RAPGEF3: variants seen among roughly 807,000 people sequenced by gnomAD.
RAPGEF3 encodes Rap guanine nucleotide exchange factor 3.
A neutral mutation model predicts 129.8 loss-of-function variants in RAPGEF3; 103 were observed. The observed-to-expected ratio is 0.79, with a 90% CI of 0.68 to 0.93. RAPGEF3 has a LOEUF of 0.93. Ranked by LOEUF, RAPGEF3 falls within the 40% of genes least tolerant of loss-of-function variation. The probability of loss-of-function intolerance (pLI) is 0.00; values close to 1 mark genes in which losing one functional copy is unlikely to be tolerated. For synonymous variants in RAPGEF3, 436 were observed against 482.6 expected (o/e 0.90, Z 1.26); for missense variants, 1,117 against 1,207.4 (o/e 0.93, Z 1.11).
chr12:47,739,129 G>T lies in RAPGEF3; in HGVS notation c.2461+14C>A. The T allele has an allele frequency of 6.4e-7, 1 of 1,569,372 alleles. No individual in the cohort carries two copies. The highest frequency in any genetic ancestry group is 8.7e-7 in the Non-Finnish European group (1 of 1,147,054). The stretch of plus-strand genomic sequence containing the variant: ...AGGGGGGAATGGAGGGATGGAGGCA[G>T]GAAGCCCTGTTACCTTTGAGAAGAA... On this transcript the variant is annotated intron_variant, in intron 24 of 27. Transcript: ENST00000449771.
rs538753670 is a variant in RAPGEF3, at chr12:47,750,410, C to T, written c.687G>A (p.Thr229=). The change falls in exon 7 of 28, where the codon ACG becomes ACA. Residue 229 remains threonine, a synonymous_variant. Coordinates refer to ENST00000449771, the MANE Select transcript of RAPGEF3 (RefSeq NM_001098531.4). ...CAAAGATGAGGTCCAGCTCTTCATC[C>T]GTGCGCTGACCTGGGCTGCAGGGAC... is the stretch of plus-strand genomic sequence containing the variant. ...VALRKPPGQR[T]DEELDLIFEE... is the part of the protein sequence containing the mutation. The T allele has an allele frequency of 1.2e-5, 20 of 1,613,750 alleles. No individual in the cohort carries two copies. The African/African-American group carries it at 1.6e-4, about 13-fold the overall frequency.
chr12:47,753,686 C>T (rs1941888528), intron 2 of RAPGEF3, among the ~76,000 whole-genome samples: 1 of 152,254 alleles, frequency 6.6e-6, no homozygotes, highest in South Asian at 2.1e-4. Flanking sequence ...AGCCAGCCCC[C>T]TGTGTCGGAA....
intron 23 of RAPGEF3, 30 bp downstream of exon 23, chr12:47,740,111 G>T: frequency 1.2e-6 from 2 of 1,606,778 alleles, no homozygotes; most frequent in Non-Finnish European, 8.5e-7. Flanking sequence ...GATCCTAGCA[G>T]AGCCAGGCCG....
Position 47,751,102 on chromosome 12 carries a change from G to C in RAPGEF3, c.617C>G (p.Ala206Gly), listed in dbSNP as rs772956322. ...GTCAGGCCCCCGCTGGGAGAGCAGG[G>C]CCACAGCTTCGGCCAACTCCTCCTC... ...EMEEELAEAV[A>G]LLSQRGPDAL... The change falls in exon 6 of 28, where the codon GCC (alanine) becomes GGC (glycine). Residue 206 changes from alanine to glycine, a missense_variant. By Grantham distance (60) the Ala-to-Gly change is moderately conservative (BLOSUM62 0). This residue lies in a region of RAPGEF3 where 367 missense variants were observed against 373.4 expected (regional missense o/e 0.98). Transcript: ENST00000449771. 6.3e-7 allele frequency: 1 copy of C among 1,587,916 alleles called. No homozygotes were observed. The highest frequency in any genetic ancestry group is 1.2e-5 in the South Asian group (1 of 86,696).
chr12:47,740,565 C>T (rs779501162), intron 21 of RAPGEF3, 77 bp downstream of exon 21: 7 of 1,561,734 alleles, frequency 4.5e-6, no homozygotes, highest in Non-Finnish European at 6.1e-6. Context: ...TGGCAACATA[C>T]TAAGCAAAGA....
At chr12:47,753,264 A>G (rs572370170) in intron 2 of RAPGEF3, among the ~76,000 whole-genome samples, 1 of 152,308 alleles carries the variant, frequency 6.6e-6, no homozygotes, top group East Asian at 1.9e-4. Flanking sequence ...ACAGCCAGAC[A>G]GCTGTGGAGA....
At chr12:47,739,784 G>A (rs1043911807) in intron 23 of RAPGEF3, 9 of 412,412 alleles carry the variant, frequency 2.2e-5, no homozygotes, top group Admixed American at 3.7e-5. Context: ...GCACACAGGC[G>A]CTCCATGCCA....
At position 47,749,573 on chromosome 12, in the gene RAPGEF3, C is replaced by G; in HGVS notation, c.895-37G>C. ...CCTCAGTCTCAGCCCGCCCCTGCCG[C>G]CCCTGCCGCCCCCAGCTCTTGCCAG... On this transcript the variant is annotated intron_variant, in intron 9 of 27. Coordinates refer to ENST00000449771, the MANE Select transcript of RAPGEF3 (RefSeq NM_001098531.4). This position sits in a 1 kb window ranked among gnomAD's most constrained non-coding sequence, Gnocchi z 4.5. 1 of 1,557,736 alleles carries G rather than the reference C, an allele frequency of 6.4e-7. No individual in the cohort carries two copies.
chr12:47,740,897 C>G lies in RAPGEF3; in HGVS notation c.2049+18G>C, dbSNP rs1369622269. 1 of 1,613,950 alleles carries G rather than the reference C, an allele frequency of 6.2e-7. No individual in the cohort carries two copies. Among genetic ancestry groups the G allele is most frequent in the African/African-American group, 1.3e-5 (1 of 75,074 alleles). ...CGCCCCGCCGCCTGCTCTCCTCCCC[C>G]AGCTCTGCCTCCCATACCTGGTGGA... On this transcript the variant is annotated intron_variant, in intron 20 of 27. Coordinates refer to ENST00000449771, the MANE Select transcript of RAPGEF3 (RefSeq NM_001098531.4).
intron 12 of RAPGEF3, 137 bp from the exon 13 acceptor site, chr12:47,748,289 GTGCTCCC>G: frequency 1.0e-6 from 1 of 964,242 alleles, no homozygotes; most frequent in Non-Finnish European, 1.6e-6. Context: ...CCCTGTGATA[GTGCTCCC>G]CACTAAGCCA....
At chr12:47,748,663 C>A in intron 11 of RAPGEF3, 121 bp from the exon 12 acceptor site, 1 of 1,065,770 alleles carries the variant, frequency 9.4e-7, no homozygotes, top group Non-Finnish European at 1.4e-6. Context: ...CACCTTAGGG[C>A]AGGGAGGAGA....
At chr12:47,753,695 A>G (rs1163594798) in intron 2 of RAPGEF3, among the ~76,000 whole-genome samples, 2 of 152,260 alleles carry the variant, frequency 1.3e-5, no homozygotes, top group African/African-American at 4.8e-5. Flanking sequence ...CCTGTGTCGG[A>G]ACAAACAGTG....
chr12:47,758,684 G>A lies in RAPGEF3; in HGVS notation c.-128C>T, dbSNP rs1942253647. ...GGGTAAGTCCAGGTACAGTGAACTG[G>A]GCCAGTGCCTAGCTGGACTGGCTGC... On this transcript the variant is annotated 5_prime_UTR_variant, in exon 1 of 28. Coordinates refer to ENST00000449771, the MANE Select transcript of RAPGEF3 (RefSeq NM_001098531.4). The A allele has an allele frequency of 1.3e-6, 2 of 1,497,962 alleles. No individual in the cohort carries two copies. Among genetic ancestry groups the A allele is most frequent in the Non-Finnish European group, 1.8e-6 (2 of 1,120,160 alleles). The allele number at this position is 1,497,962 out of a possible 1,614,324, so 92.8% of individuals were successfully genotyped here. A position where few individuals can be genotyped will look rare whatever the true frequency, so the allele number is the denominator to read the frequency against.
At position 47,737,653 on chromosome 12, in the gene RAPGEF3, C is replaced by T. The variant is rs941901994; in HGVS notation, c.2686G>A (p.Ala896Thr). Residue 896 changes from alanine (A) to threonine (T), a missense_variant, in exon 28 of 28, where the codon GCC (alanine) becomes ACC (threonine). Around this residue, in one of 3 missense-constraint regions of RAPGEF3, gnomAD observed 643 missense variants for 673.4 expected, o/e 0.95. Transcript: ENST00000449771. ...TGCTGGACATAAGCCCAGGTGCTGGCTGGACTCCGGGTGCTCAGGGACTGC... is the reference window on the plus strand; with the variant it reads ...TGCTGGACATAAGCCCAGGTGCTGGTTGGACTCCGGGTGCTCAGGGACTGC... Reference protein sequence around the residue: ...SEQSLSTRSPASTWAYVQQLK... With the variant: ...SEQSLSTRSPTSTWAYVQQLK... The T allele has an allele frequency of 1.2e-6, 2 of 1,613,020 alleles. No homozygotes were observed. Among genetic ancestry groups the T allele is most frequent in the Admixed American group, 1.7e-5 (1 of 59,930 alleles).
At position 47,758,070 on chromosome 12, in the gene RAPGEF3, C is replaced by T. The variant is rs546437260; in HGVS notation, c.15G>A (p.Trp5Ter). MKVG[W>*]PGESCWQVGL... ...CCACCTGCCAGCAGCTCTCACCTGG[C>T]CAGCCCACCTGTGACACGGGGAGGA... Residue 5 changes from tryptophan (W) to a stop codon, truncating the protein, a stop_gained, in exon 2 of 28, where the codon TGG becomes TGA. Coordinates refer to ENST00000449771, the MANE Select transcript of RAPGEF3 (RefSeq NM_001098531.4). LOFTEE classifies it high-confidence loss of function. 6.4e-7 allele frequency: 1 copy of T among 1,564,772 alleles called. No individual in the cohort carries two copies. Among genetic ancestry groups the T allele is most frequent in the Non-Finnish European group, 8.7e-7 (1 of 1,154,458 alleles).
chr12:47,754,077 G>A (rs1592574733), intron 2 of RAPGEF3: 1 of 152,234 alleles, frequency 6.6e-6, no homozygotes, highest in East Asian at 1.9e-4. Flanking sequence ...CCAGAGGTAG[G>A]TATTTGTTTC....
At chr12:47,748,234 C>G (rs1307246012) in intron 12 of RAPGEF3, 82 bp from the exon 13 acceptor site, 13 of 1,228,114 alleles carry the variant, frequency 1.1e-5, no homozygotes, top group Non-Finnish European at 1.4e-5. Context: ...CTGGAAGGAC[C>G]CTTCCCCACA....
intron 6 of RAPGEF3, among the ~76,000 whole-genome samples, 160 bp downstream of exon 6, chr12:47,750,888 C>T (rs542907237): frequency 3.0e-4 from 45 of 152,322 alleles, no homozygotes; most frequent in Non-Finnish European, 4.7e-4. Context: ...CCAGGTCACA[C>T]AGTGAGTCCG....
At chr12:47,748,311 CA>C in intron 12 of RAPGEF3, 142 bp downstream of exon 12, 1 of 960,996 alleles carries the variant, frequency 1.0e-6, no homozygotes, top group Non-Finnish European at 1.6e-6. Context: ...AAGCCAAGAG[CA>C]CAGGTAAGAG....
Sources: allele counts gnomAD v4.1 joint callset (sites outside exome capture counted in the v4.1 genomes callset), GRCh38; gene constraint gnomAD v4.1.1; regional missense constraint gnomAD v4.1.1; non-coding constraint Gnocchi (gnomAD v3.1); transcripts MANE v1.5; gene names NCBI Gene and HGNC (gene_info 2026-07-23, HGNC 2026-07-21).